Variants in RAPGEF3 observed in about 807,000 individuals in gnomAD.
The protein encoded by RAPGEF3 is Rap guanine nucleotide exchange factor 3.
RAPGEF3 carries 103 observed loss-of-function variants against 129.8 expected under a neutral mutation model. That is an observed-to-expected ratio of 0.79 (90% CI 0.68 to 0.93). RAPGEF3 has a LOEUF of 0.93. RAPGEF3 is among the 40% of genes least tolerant of loss of function. RAPGEF3 has a pLI of 0.00. For synonymous variants in RAPGEF3, 436 were observed against 482.6 expected (o/e 0.90, Z 1.26); for missense variants, 1,117 against 1,207.4 (o/e 0.93, Z 1.11).
intron 11 of RAPGEF3, 111 bp downstream of exon 11, chr12:47,748,708 C>T (rs1941575205): frequency 9.6e-7 from 1 of 1,040,360 alleles, no homozygotes; most frequent in Non-Finnish European, 1.5e-6. Flanking sequence ...CCCTCAATAC[C>T]TCTCCATCCA....
In RAPGEF3 at chr12:47,749,457, A is replaced by T. The variant is rs769702763; in HGVS notation, c.974T>A (p.Ile325Asn). 6.2e-7 allele frequency: 1 copy of T among 1,613,346 alleles called. No individual in the cohort carries two copies. Among genetic ancestry groups the T allele is most frequent in the Non-Finnish European group, 8.5e-7 (1 of 1,180,006 alleles). Residue 325 changes from isoleucine to asparagine, a missense_variant, in exon 10 of 28, where the codon ATC (isoleucine) becomes AAC (asparagine). Coordinates refer to ENST00000449771, the MANE Select transcript of RAPGEF3 (RefSeq NM_001098531.4). The surrounding 1 kb of genome is among the most constrained non-coding windows in gnomAD (Gnocchi z 4.5). ...ATGACAGTTGTCTTCTCGCAGGATGATGGTGGCTGCCCGGGGTGCATCATT... is the reference window on the plus strand; with the variant it reads ...ATGACAGTTGTCTTCTCGCAGGATGTTGGTGGCTGCCCGGGGTGCATCATT... ...LVNDAPRAAT[I>N]ILREDNCHFL... is the part of the protein sequence containing the mutation.
intron 26 of RAPGEF3, 30 bp from the exon 27 acceptor site, chr12:47,738,123 AG>A: frequency 1.2e-6 from 2 of 1,613,928 alleles, no homozygotes; most frequent in Non-Finnish European, 1.7e-6. Flanking sequence ...TCATGGAGTC[AG>A]GGCCACCCTG....
Position 47,747,891 on chromosome 12 carries a change from TC to T in RAPGEF3, c.1323-30del, listed in dbSNP as rs1941514933. On this transcript the variant is annotated intron_variant, in intron 13 of 27. Coordinates refer to ENST00000449771, the MANE Select transcript of RAPGEF3 (RefSeq NM_001098531.4). ...GGCACCAGTCAAGGGAACCACAACA[TC>T]CAAGCAGGGCCACCCACCTGAGGCA... is the stretch of plus-strand genomic sequence containing the variant. The T allele has an allele frequency of 6.3e-6, 10 of 1,599,170 alleles. No individual in the cohort carries two copies. The South Asian group carries it at 1.1e-4, about 18-fold the overall frequency.
chr12:47,758,033 C>T lies in RAPGEF3; in HGVS notation c.52G>A (p.Glu18Lys). 1 of 1,577,058 alleles carries T rather than the reference C, an allele frequency of 6.3e-7. No individual in the cohort carries two copies. Among genetic ancestry groups the T allele is most frequent in the Non-Finnish European group, 8.6e-7 (1 of 1,161,330 alleles). ...ESCWQVGLAV[E>K]DSPALGAPRV... is the part of the protein sequence containing the mutation. ...GGTGCTCCCAGAGCTGGGCTATCCT[C>T]CACAGCCAGGCCCACCTGCCAGCAG... Residue 18 changes from glutamate (E) to lysine (K), a missense_variant, in exon 2 of 28, where the codon GAG (glutamate) becomes AAG (lysine). Around this residue, in one of 3 missense-constraint regions of RAPGEF3, gnomAD observed 367 missense variants for 373.4 expected, o/e 0.98. Transcript: ENST00000449771.
At chr12:47,737,844 C>T (rs1370307367) in intron 27 of RAPGEF3, among the ~76,000 whole-genome samples, 159 bp from the exon 28 acceptor site, 2 of 152,224 alleles carry the variant, frequency 1.3e-5, no homozygotes, top group African/African-American at 4.8e-5. Flanking sequence ...GCCCACCCCA[C>T]GGGTGAGGGG....
intron 21 of RAPGEF3, 94 bp downstream of exon 21, chr12:47,740,548 G>A: frequency 6.6e-7 from 1 of 1,516,062 alleles, no homozygotes; most frequent in Admixed American, 1.8e-5. Context: ...AAATAGGGTG[G>A]CAGATTTGGC....
At position 47,737,636 on chromosome 12, in the gene RAPGEF3, A is replaced by G. The variant is rs751408987; in HGVS notation, c.2703T>C (p.Tyr901=). 6.2e-7 allele frequency: 1 copy of G among 1,612,544 alleles called. No individual in the cohort carries two copies. The highest frequency in any genetic ancestry group is 8.5e-7 in the Non-Finnish European group (1 of 1,179,674). Residue 901 remains tyrosine, a synonymous_variant, in exon 28 of 28, where the codon TAT becomes TAC. Transcript: ENST00000449771. ...TGTCAATGACCTTCAGCTGCTGGAC[A>G]TAAGCCCAGGTGCTGGCTGGACTCC... ...STRSPASTWA[Y]VQQLKVIDNQ...
intron 15 of RAPGEF3, 124 bp from the exon 16 acceptor site, chr12:47,747,023 T>C: frequency 1.1e-6 from 1 of 889,910 alleles, no homozygotes; most frequent in East Asian, 2.8e-5. Context: ...CACGACCAGG[T>C]AAGTATCACA....
intron 23 of RAPGEF3, chr12:47,739,820 C>T (rs1034667488): frequency 6.4e-6 from 3 of 472,154 alleles, no homozygotes; most frequent in African/African-American, 3.9e-5. Flanking sequence ...GAGCCCCTGA[C>T]ACTGCCCTGG....
Position 47,749,170 on chromosome 12 carries a change from C to T in RAPGEF3, c.1041+220G>A. On this transcript the variant is annotated intron_variant, in intron 10 of 27. Transcript: ENST00000449771. This position sits in a 1 kb window ranked among gnomAD's most constrained non-coding sequence, Gnocchi z 4.5. Reference sequence around the variant, plus strand: ...CCCATCCTTCCCCTGGTCTCCCACACTGAGCCTGAAGTCACTGGTCTCACT... The same window carrying T: ...CCCATCCTTCCCCTGGTCTCCCACATTGAGCCTGAAGTCACTGGTCTCACT... The T allele has an allele frequency of 3.0e-6, 2 of 660,158 alleles. No individual in the cohort carries two copies. Among genetic ancestry groups the T allele is most frequent in the South Asian group, 3.6e-5 (2 of 54,882 alleles). 40.9% of individuals were successfully genotyped at this position (660,158 alleles called of 1,614,324 possible).
At chr12:47,750,078 A>G (rs1941656558) in intron 7 of RAPGEF3, 88 bp from the exon 8 acceptor site, 1 of 1,468,434 alleles carries the variant, frequency 6.8e-7, no homozygotes, top group Non-Finnish European at 9.5e-7. Context: ...AGGTCCAAAG[A>G]CACAAGTGCT....
chr12:47,758,829 C>T lies in RAPGEF3; in HGVS notation c.-273G>A. 1.6e-6 allele frequency: 2 copies of T among 1,213,332 alleles called. No individual in the cohort carries two copies. Among genetic ancestry groups the T allele is most frequent in the Non-Finnish European group, 1.0e-6 (1 of 973,150 alleles). The allele number at this position is 1,213,332 out of a possible 1,614,324, so 75.2% of individuals were successfully genotyped here. A position where few individuals can be genotyped will look rare whatever the true frequency, so the allele number is the denominator to read the frequency against. ...ACAGGGAGCCCCGAGCCTGCGCCTTCGTCTCAGACGAAGGAGCCAGCTGGC... is the reference window on the plus strand; with the variant it reads ...ACAGGGAGCCCCGAGCCTGCGCCTTTGTCTCAGACGAAGGAGCCAGCTGGC... On this transcript the variant is annotated 5_prime_UTR_variant, in exon 1 of 28. Transcript: ENST00000449771.
Position 47,740,692 on chromosome 12 carries a change from C to A in RAPGEF3, c.2181G>T (p.Val727=), listed in dbSNP as rs200535176. 186 of 1,613,894 alleles carry A rather than the reference C, an allele frequency of 1.2e-4. No homozygotes were observed. In the East Asian group the frequency reaches 3.7e-3, roughly 32 times the overall value. Residue 727 remains valine (V), a synonymous_variant, in exon 21 of 28, where the codon GTG becomes GTT. Transcript: ENST00000449771. Reference sequence around the variant, plus strand: ...TGAGCAGCTGGGCCCGGGGGCCGGGCACGGGGCAGAGACACAGCTCGGTGG... The same window carrying A: ...TGAGCAGCTGGGCCCGGGGGCCGGGAACGGGGCAGAGACACAGCTCGGTGG... ...WVATELCLCP[V]PGPRAQLLRK...
chr12:47,751,685 G>C, intron 4 of RAPGEF3, 38 bp downstream of exon 4: 3 of 1,607,218 alleles, frequency 1.9e-6, no homozygotes, highest in Non-Finnish European at 2.5e-6. Flanking sequence ...AGAGAAAGCA[G>C]TGAGGCTGGG....
In RAPGEF3 at chr12:47,748,063, T is replaced by C. The variant is rs376950801; in HGVS notation, c.1322+11A>G. The C allele has an allele frequency of 5.1e-6, 8 of 1,573,954 alleles. No homozygotes were observed. The African/African-American group carries it at 6.8e-5, about 13-fold the overall frequency. ...CCCATGCACACCATCCCCCTGGAGC[T>C]GGAAGGATATTGGTGCAGAAGGGCA... On this transcript the variant is annotated intron_variant, in intron 13 of 27. Coordinates refer to ENST00000449771, the MANE Select transcript of RAPGEF3 (RefSeq NM_001098531.4).
Position 47,736,637 on chromosome 12 carries a change from CG to C in RAPGEF3, c.*929del, listed in dbSNP as rs1383026689. On this transcript the variant is annotated 3_prime_UTR_variant, in exon 28 of 28. Coordinates refer to ENST00000449771, the MANE Select transcript of RAPGEF3 (RefSeq NM_001098531.4). Reference sequence around the variant, plus strand: ...GCCTCAACAAGCGACGGGCTCTCCGCGGAAGCTTCAGCATTGTTTCTATCAC... The same window carrying C: ...GCCTCAACAAGCGACGGGCTCTCCGCGAAGCTTCAGCATTGTTTCTATCAC... The C allele has an allele frequency of 2.0e-5, 3 of 152,308 alleles. No homozygotes were observed. The highest frequency in any genetic ancestry group is 4.4e-5 in the Non-Finnish European group (3 of 68,088). The allele number at this position is 152,308 out of a possible 1,614,324, so 9.4% of individuals were successfully genotyped here.
In RAPGEF3 at chr12:47,757,971, C is replaced by G. The variant is rs1454926920; in HGVS notation, c.114G>C (p.Gly38=). The change falls in exon 2 of 28, where the codon GGG becomes GGC. Residue 38 remains glycine, a synonymous_variant. Coordinates refer to ENST00000449771, the MANE Select transcript of RAPGEF3 (RefSeq NM_001098531.4). ...VGALPDVVPE[G]TLLNMVLRRM... The stretch of plus-strand genomic sequence containing the variant: ...TTCTCAACACCATGTTGAGTAGTGT[C>G]CCCTCCGGCACCACGTCAGGGAGGG... 1.3e-6 allele frequency: 2 copies of G among 1,564,486 alleles called. No homozygotes were observed. The highest frequency in any genetic ancestry group is 1.4e-5 in the African/African-American group (1 of 73,944).
Position 47,743,647 on chromosome 12 carries a change from A to G in RAPGEF3, c.1708T>C (p.Ser570Pro), listed in dbSNP as rs1290735431. 4.3e-6 allele frequency: 7 copies of G among 1,611,592 alleles called. No homozygotes were observed. Among genetic ancestry groups the G allele is most frequent in the Non-Finnish European group, 5.9e-6 (7 of 1,177,958 alleles). Reference protein sequence around the residue: ...VPYDICRPDHSVLTLQLPVTA... With the variant: ...VPYDICRPDHPVLTLQLPVTA... ...ACAGGCAGCTGCAGGGTCAACACTG[A>G]GTGGTCTGGCCGGCAGATGTCATAG... The change falls in exon 18 of 28, where the codon TCA becomes CCA. Residue 570 changes from serine (S) to proline (P), a missense_variant. Around this residue, in one of 3 missense-constraint regions of RAPGEF3, gnomAD observed 643 missense variants for 673.4 expected, o/e 0.95. Transcript: ENST00000449771.
At chr12:47,750,227 C>T in intron 7 of RAPGEF3, 114 bp downstream of exon 7, 1 of 1,243,924 alleles carries the variant, frequency 8.0e-7, no homozygotes, top group Non-Finnish European at 1.2e-6. Flanking sequence ...TGAAAATTTC[C>T]AGCCATAGAT....
Sources: gnomAD v4.1 joint callset for allele counts (sites outside exome capture counted in the v4.1 genomes callset) on GRCh38, gnomAD v4.1.1 for gene constraint, gnomAD v4.1.1 regional missense constraint, Gnocchi (gnomAD v3.1) non-coding constraint, MANE v1.5 for transcripts, NCBI Gene and HGNC (gene_info 2026-07-23, HGNC 2026-07-21) for gene names.